Variants in NRL observed in about 807,000 individuals in gnomAD.
NRL encodes neural retina leucine zipper.
In NRL, 16 loss-of-function variants were observed where a neutral mutation model predicts 12.5. The observed-to-expected ratio is 1.28, with a 90% confidence interval of 0.87 to 1.95. NRL has a LOEUF of 1.95. Among genes scored for constraint, NRL ranks in the 30% most tolerant of loss-of-function variants. The probability of loss-of-function intolerance (pLI) is 0.00; values close to 1 mark genes in which losing one functional copy is unlikely to be tolerated. For synonymous variants in NRL, 142 were observed against 150.9 expected (o/e 0.94, Z 0.43); for missense variants, 314 against 325.8 (o/e 0.96, Z 0.28).
chr14:24,080,235 C>G lies in NRL; in HGVS notation c.*1001G>C, dbSNP rs1362535708. Reference sequence around the variant, plus strand: ...ATTGTCATCCCAGGAGAAGTCTCACCTCAGCCCTCAGAGAGGTGGGAGGTG... The same window carrying G: ...ATTGTCATCCCAGGAGAAGTCTCACGTCAGCCCTCAGAGAGGTGGGAGGTG... On this transcript the variant is annotated 3_prime_UTR_variant, in exon 3 of 3. Coordinates refer to ENST00000561028, the MANE Select transcript of NRL (RefSeq NM_001354768.3). The G allele has an allele frequency of 1.3e-5, 2 of 152,260 alleles. No individual in the cohort carries two copies. Among genetic ancestry groups the G allele is most frequent in the Non-Finnish European group, 2.9e-5 (2 of 68,050 alleles). 9.4% of individuals were successfully genotyped at this position (152,260 alleles called of 1,614,324 possible).
rs1189340532 is a variant in NRL, at chr14:24,078,711, C to T, written c.*2525G>A. On this transcript the variant is annotated 3_prime_UTR_variant, in exon 3 of 3. Coordinates refer to ENST00000561028, the MANE Select transcript of NRL (RefSeq NM_001354768.3). ...TTTATGCTAAGTGCTTATTTAAATG[C>T]ATTTATTCTCAGTAGGTGGTTACCA... Among the ~76,000 whole-genome samples the T allele has an allele frequency of 6.6e-6, 1 of 152,154 alleles. No individual in the cohort carries two copies. The highest frequency in any genetic ancestry group is 1.5e-5 in the Non-Finnish European group (1 of 68,038).
intron 1 of NRL, among the ~76,000 whole-genome samples, chr14:24,113,201 G>A (rs1262649743): frequency 9.3e-6 from 1 of 107,282 alleles, no homozygotes; most frequent in South Asian, 3.7e-4. Context: ...GACACAGGAA[G>A]GGGAATATCA....
intron 1 of NRL, among the ~76,000 whole-genome samples, chr14:24,105,799 T>C (rs151092816): frequency 3.3e-5 from 5 of 152,274 alleles, no homozygotes; most frequent in Non-Finnish European, 5.9e-5. Flanking sequence ...GTGCCTGTAA[T>C]CCCAGCTATT....
chr14:24,102,664 A>T, intron 1 of NRL: 1 of 1,152,114 alleles, frequency 8.7e-7, no homozygotes, highest in Non-Finnish European at 1.2e-6. Flanking sequence ...AAAAAAAAAA[A>T]GAACCCTGCA....
At chr14:24,082,086 C>G in intron 2 of NRL, 1 of 1,214,292 alleles carries the variant, frequency 8.2e-7, no homozygotes. Context: ...AGCACGAAGT[C>G]TTGAAAAGGC....
Position 24,078,889 on chromosome 14 carries a change from C to T in NRL, c.*2347G>A, listed in dbSNP as rs1228365350. Among the ~76,000 whole-genome samples the T allele has an allele frequency of 6.6e-6, 1 of 152,214 alleles. No homozygotes were observed. The highest frequency in any genetic ancestry group is 1.9e-4 in the East Asian group (1 of 5,200). Reference sequence around the variant, plus strand: ...GATTATGGCTCACTGCATCCCCGAACTCCTGGGCTCAAGTTATCCTTCCAC... The same window carrying T: ...GATTATGGCTCACTGCATCCCCGAATTCCTGGGCTCAAGTTATCCTTCCAC... On this transcript the variant is annotated 3_prime_UTR_variant, in exon 3 of 3. Coordinates refer to ENST00000561028, the MANE Select transcript of NRL (RefSeq NM_001354768.3).
chr14:24,098,219 G>T (rs138965807), intron 1 of NRL: 2 of 1,611,074 alleles, frequency 1.2e-6, no homozygotes, highest in Non-Finnish European at 1.7e-6. Context: ...GGCCCGCACA[G>T]ACCCCAAGGA....
intron 1 of NRL, chr14:24,103,450 G>A: frequency 1.4e-6 from 2 of 1,405,644 alleles, no homozygotes; most frequent in Non-Finnish European, 9.8e-7. Flanking sequence ...CTGGATGCAG[G>A]GTGCCCTTCC....
intron 1 of NRL, chr14:24,099,626 C>T (rs1566577947): frequency 3.1e-6 from 5 of 1,613,908 alleles, no homozygotes; most frequent in Non-Finnish European, 3.4e-6. Flanking sequence ...GTGCCTGTGG[C>T]AAGACCAACC....
rs372678944 is a variant in NRL, at chr14:24,082,447, G to T, written c.381+21C>A. 3.1e-6 allele frequency: 5 copies of T among 1,611,588 alleles called. 1 individual carries two copies. In the South Asian group the frequency reaches 5.5e-5, roughly 18 times the overall value. On this transcript the variant is annotated intron_variant, in intron 2 of 2. Transcript: ENST00000561028. ...CCTTCCTTGCCCTGCCTCCCCTCAG[G>T]CCAGCTTGCTGACCACTCACCTGGA...
intron 1 of NRL, chr14:24,096,929 T>C: frequency 1.2e-6 from 2 of 1,613,454 alleles, no homozygotes; most frequent in Non-Finnish European, 1.7e-6. Context: ...GGGCTGGCCA[T>C]CATGCCGTAG....
At chr14:24,114,666 T>G in intron 1 of NRL, 56 bp downstream of exon 1, 1 of 985,678 alleles carries the variant, frequency 1.0e-6, no homozygotes, top group Non-Finnish European at 1.2e-6. Flanking sequence ...CTAACAGCCC[T>G]CCTTGGGTGT....
intron 1 of NRL, among the ~76,000 whole-genome samples, chr14:24,105,723 AGCGTG>A (rs2037327572): frequency 6.6e-6 from 1 of 152,242 alleles, no homozygotes. Flanking sequence ...GTTCAAGACC[AGCGTG>A]GCCAACACGG....
rs1157870322 is a variant in NRL, at chr14:24,114,664, C to T, written c.-28+58G>A. ...CTCCTCCCCAGCAAGAGCTAACAGC[C>T]CTCCTTGGGTGTGCACTTTCTCCTC... On this transcript the variant is annotated intron_variant, in intron 1 of 2. Transcript: ENST00000561028. 6.1e-6 allele frequency: 6 copies of T among 985,254 alleles called. No individual in the cohort carries two copies. In the African/African-American group the frequency reaches 1.0e-4, roughly 17 times the overall value. 61.0% of individuals were successfully genotyped at this position (985,254 alleles called of 1,614,324 possible).
intron 1 of NRL, among the ~76,000 whole-genome samples, chr14:24,111,675 T>A (rs561484127): frequency 9.9e-5 from 15 of 152,204 alleles, no homozygotes; most frequent in South Asian, 6.2e-4. Context: ...CCAATTTTTT[T>A]AAAAAATGAT....
Position 24,094,322 on chromosome 14 carries a change from C to G in NRL, c.-27-11447G>C. The G allele has an allele frequency of 5.8e-6, 8 of 1,376,080 alleles. No homozygotes were observed. The highest frequency in any genetic ancestry group is 7.0e-6 in the Non-Finnish European group (7 of 1,006,094). 85.2% of individuals were successfully genotyped at this position (1,376,080 alleles called of 1,614,324 possible). A position where few individuals can be genotyped will look rare whatever the true frequency, so the allele number is the denominator to read the frequency against. ...CGCCAGCCTCTGCTGTGGCTCGCTT[C>G]GCCGCGCTCCCTCCTTCCCCGCCTT... On this transcript the variant is annotated intron_variant, in intron 1 of 2. Coordinates refer to ENST00000561028, the MANE Select transcript of NRL (RefSeq NM_001354768.3). The surrounding 1 kb of genome is among the most constrained non-coding windows in gnomAD (Gnocchi z 4.1).
chr14:24,094,457 C>T lies in NRL; in HGVS notation c.-27-11582G>A. On this transcript the variant is annotated intron_variant, in intron 1 of 2. Transcript: ENST00000561028. The surrounding 1 kb of genome is among the most constrained non-coding windows in gnomAD (Gnocchi z 4.1). Reference sequence around the variant, plus strand: ...GCGGTGAGTGACCCCCGGCCCGGGGCCCACCCGCACCTTCCGCTGCGCTCG... The same window carrying T: ...GCGGTGAGTGACCCCCGGCCCGGGGTCCACCCGCACCTTCCGCTGCGCTCG... 6.6e-7 allele frequency: 1 copy of T among 1,519,278 alleles called. No homozygotes were observed. The highest frequency in any genetic ancestry group is 1.2e-5 in the South Asian group (1 of 81,422). 94.1% of individuals were successfully genotyped at this position (1,519,278 alleles called of 1,614,324 possible).
At chr14:24,102,934 T>C in intron 1 of NRL, 1 of 1,586,074 alleles carries the variant, frequency 6.3e-7, no homozygotes, top group Non-Finnish European at 8.6e-7. Context: ...AAGGGCTATC[T>C]CTGTATTAGG....
At position 24,081,896 on chromosome 14, in the gene NRL, G is replaced by C. The variant is rs2036322811; in HGVS notation, c.382-328C>G. ...CCAGCTCCAGGCCCGGGTGTGTCCA[G>C]TGGACCCGCACCCAGACAGCCCCCA... On this transcript the variant is annotated intron_variant, in intron 2 of 2. Coordinates refer to ENST00000561028, the MANE Select transcript of NRL (RefSeq NM_001354768.3). This position sits in a 1 kb window ranked among gnomAD's most constrained non-coding sequence, Gnocchi z 4.4. The C allele has an allele frequency of 7.6e-7, 1 of 1,318,468 alleles. No homozygotes were observed. The highest frequency in any genetic ancestry group is 9.7e-7 in the Non-Finnish European group (1 of 1,027,014). 81.7% of individuals were successfully genotyped at this position (1,318,468 alleles called of 1,614,324 possible). A position where few individuals can be genotyped will look rare whatever the true frequency, so the allele number is the denominator to read the frequency against.
Sources: allele counts gnomAD v4.1 joint callset (sites outside exome capture counted in the v4.1 genomes callset), GRCh38; gene constraint gnomAD v4.1.1; non-coding constraint Gnocchi (gnomAD v3.1); transcripts MANE v1.5; gene names NCBI Gene and HGNC (gene_info 2026-07-23, HGNC 2026-07-21).